TAFA5: variants seen among roughly 807,000 people sequenced by gnomAD.
The protein encoded by TAFA5 is TAFA chemokine like family member 5.
TAFA5 carries 6 observed loss-of-function variants against 15.3 expected under a neutral mutation model. That is an observed-to-expected ratio of 0.39 (90% CI 0.21 to 0.77). The LOEUF is 0.77. Among genes scored for constraint, TAFA5 ranks in the 30% least tolerant of loss-of-function variants. The probability of loss-of-function intolerance (pLI) is 0.41; values close to 1 mark genes in which losing one functional copy is unlikely to be tolerated. For missense variants in TAFA5, 161 were observed against 193.1 expected (o/e 0.83, Z 0.98); for synonymous variants, 103 against 80.7 (o/e 1.28, Z -1.48).
At chr22:48,704,200 G>GCGCACACACA (rs1003524010) in intron 2 of TAFA5, among the ~76,000 whole-genome samples, 50 of 150,220 alleles carry the variant, frequency 3.3e-4, no homozygotes, top group African/African-American at 1.2e-3. Flanking sequence ...ACACACACGC[G>GCGCACACACA]CACACACACA....
intron 1 of TAFA5, among the ~76,000 whole-genome samples, chr22:48,644,498 T>A (rs975266434): frequency 2.0e-5 from 3 of 152,168 alleles, no homozygotes; most frequent in Non-Finnish European, 2.9e-5. Context: ...AGTCATCCAG[T>A]GCCTCCTGGT....
chr22:48,742,493 G>A lies in TAFA5; in HGVS notation c.391-7346G>A, dbSNP rs145177396. Among the ~76,000 whole-genome samples the A allele has an allele frequency of 5.0e-4, 76 of 152,188 alleles. No individual in the cohort carries two copies. In the Middle Eastern group the frequency reaches 0.031, roughly 62 times the overall value. On this transcript the variant is annotated intron_variant, in intron 3 of 3. Transcript: ENST00000402357. The surrounding 1 kb of genome is among the most constrained non-coding windows in gnomAD (Gnocchi z 6.2). ...GAGCTGGCGGCGCAGTGGAGCGGGC[G>A]TTGTGGTGGACCCGGTGGCGTGGCA... is the stretch of plus-strand genomic sequence containing the variant.
At chr22:48,638,946 G>A (rs187321836) in intron 1 of TAFA5, among the ~76,000 whole-genome samples, 10 of 104,732 alleles carry the variant, frequency 9.5e-5, no homozygotes, top group South Asian at 3.5e-4. Context: ...GGGGGACCCC[G>A]ACACTAAGCC....
At chr22:48,557,676 G>A (rs957936093) in intron 1 of TAFA5, among the ~76,000 whole-genome samples, 2 of 152,206 alleles carry the variant, frequency 1.3e-5, no homozygotes, top group Admixed American at 6.5e-5. Context: ...TGAGCGCCAC[G>A]GCCACTCGCA....
chr22:48,671,636 T>C (rs1449037139), intron 2 of TAFA5, among the ~76,000 whole-genome samples: 16 of 152,060 alleles, frequency 1.1e-4, no homozygotes, highest in Non-Finnish European at 2.4e-4. Context: ...AAACCAGACA[T>C]GAACAGACAC....
intron 1 of TAFA5, among the ~76,000 whole-genome samples, chr22:48,510,966 T>TGAGG (rs1270124466): frequency 2.6e-5 from 4 of 152,174 alleles, no homozygotes; most frequent in African/African-American, 9.6e-5. Context: ...TTCCTTGACA[T>TGAGG]GAGGGAGGGA....
intron 1 of TAFA5, among the ~76,000 whole-genome samples, chr22:48,553,433 G>A (rs1922924587): frequency 6.6e-6 from 1 of 152,242 alleles, no homozygotes; most frequent in African/African-American, 2.4e-5. Flanking sequence ...TGGAGGGAGG[G>A]AAGCAGGATG....
intron 2 of TAFA5, among the ~76,000 whole-genome samples, chr22:48,683,809 G>A (rs371786863): frequency 1.3e-4 from 20 of 152,114 alleles, no homozygotes; most frequent in Admixed American, 9.8e-4. Flanking sequence ...TCATGGGCGC[G>A]GTTTTCCCCA....
At chr22:48,670,921 T>C (rs771725220) in intron 2 of TAFA5, among the ~76,000 whole-genome samples, 9 of 152,196 alleles carry the variant, frequency 5.9e-5, no homozygotes, top group East Asian at 1.9e-4. Flanking sequence ...TGCTAACTTA[T>C]CTGTTTGAAT....
intron 1 of TAFA5, among the ~76,000 whole-genome samples, chr22:48,558,051 C>G (rs939351022): frequency 6.6e-6 from 1 of 152,138 alleles, no homozygotes; most frequent in Non-Finnish European, 1.5e-5. Flanking sequence ...CCCCTGTCTC[C>G]TTTAGATTCT....
intron 2 of TAFA5, among the ~76,000 whole-genome samples, chr22:48,669,285 G>A (rs1316583629): frequency 1.3e-5 from 2 of 152,232 alleles, no homozygotes; most frequent in African/African-American, 4.8e-5. Context: ...TCCAAACTCT[G>A]AAAAAGGAGA....
chr22:48,732,910 G>A (rs1033031261), intron 3 of TAFA5, among the ~76,000 whole-genome samples: 7 of 152,094 alleles, frequency 4.6e-5, no homozygotes, highest in Non-Finnish European at 7.4e-5. Flanking sequence ...GACGACTCCC[G>A]GAAGGCTCAG....
At chr22:48,617,884 G>A (rs1222711263) in intron 1 of TAFA5, among the ~76,000 whole-genome samples, 2 of 152,110 alleles carry the variant, frequency 1.3e-5, no homozygotes, top group Admixed American at 6.5e-5. Context: ...CTGTCCTTAC[G>A]TGGTGTGCCA....
intron 3 of TAFA5, among the ~76,000 whole-genome samples, chr22:48,719,980 G>A (rs1368127732): frequency 1.3e-5 from 2 of 152,226 alleles, no homozygotes; most frequent in African/African-American, 4.8e-5. Context: ...TTTGTAATGG[G>A]AGACGTGACA....
intron 3 of TAFA5, among the ~76,000 whole-genome samples, chr22:48,741,450 C>T (rs1930179035): frequency 6.6e-6 from 1 of 152,218 alleles, no homozygotes; most frequent in Non-Finnish European, 1.5e-5. Flanking sequence ...AGAGAGAGTC[C>T]TCAAGTCCCT....
At chr22:48,586,727 G>A (rs762735706) in intron 1 of TAFA5, among the ~76,000 whole-genome samples, 4 of 152,244 alleles carry the variant, frequency 2.6e-5, no homozygotes, top group Non-Finnish European at 5.9e-5. Flanking sequence ...CCTGGTGGGC[G>A]GAGTCTTTGA....
chr22:48,518,803 A>G (rs1190495246), intron 1 of TAFA5, among the ~76,000 whole-genome samples: 1 of 152,220 alleles, frequency 6.6e-6, no homozygotes, highest in Non-Finnish European at 1.5e-5. Flanking sequence ...GGGACAGGCA[A>G]GCGGTGTCAC....
intron 2 of TAFA5, among the ~76,000 whole-genome samples, chr22:48,648,444 G>A (rs1044145578): frequency 2.6e-5 from 4 of 152,186 alleles, no homozygotes; most frequent in Non-Finnish European, 5.9e-5. Context: ...CTGCTGCTAC[G>A]TGGGTGCTGG....
chr22:48,617,720 G>T (rs1925661977), intron 1 of TAFA5, among the ~76,000 whole-genome samples: 1 of 152,240 alleles, frequency 6.6e-6, no homozygotes, highest in African/African-American at 2.4e-5. Flanking sequence ...ATGTTCTGGA[G>T]CCTGGCTTGG....
Sources: allele counts gnomAD v4.1 joint callset (sites outside exome capture counted in the v4.1 genomes callset), GRCh38; gene constraint gnomAD v4.1.1; non-coding constraint Gnocchi (gnomAD v3.1); transcripts MANE v1.5; gene names NCBI Gene and HGNC (gene_info 2026-07-23, HGNC 2026-07-21).